The following HEMK2 variants were observed in gnomAD, a reference collection of about 807,000 sequenced individuals.
HEMK2 encodes HemK methyltransferase 2, ETF1 glutamine and histone H4 lysine.
At chr21:28,633,205 G>C in the HEMK2 span, among the ~76,000 whole-genome samples, 1 of 152,172 alleles carries the variant, frequency 6.6e-6, no homozygotes, top group Non-Finnish European at 1.5e-5. Flanking sequence ...GCAAGGCTGG[G>C]TCTCTACAGA....
the HEMK2 span, among the ~76,000 whole-genome samples, chr21:28,745,366 T>C: frequency 1.4e-4 from 21 of 152,244 alleles, no homozygotes; most frequent in Non-Finnish European, 2.6e-4. Flanking sequence ...ATAGACATGA[T>C]AGAATCGGCT....
the HEMK2 span, among the ~76,000 whole-genome samples, chr21:28,600,958 T>C: frequency 6.6e-6 from 1 of 152,232 alleles, no homozygotes; most frequent in Non-Finnish European, 1.5e-5. Context: ...AAATCTCAGT[T>C]AATGGTTACT....
At chr21:28,643,967 T>C in the HEMK2 span, among the ~76,000 whole-genome samples, 1 of 152,322 alleles carries the variant, frequency 6.6e-6, no homozygotes, top group African/African-American at 2.4e-5. Context: ...AAGAACTGCA[T>C]GTGAGAAGGT....
the HEMK2 span, among the ~76,000 whole-genome samples, chr21:28,605,575 A>C: frequency 1.3e-5 from 2 of 152,126 alleles, no homozygotes; most frequent in East Asian, 1.9e-4. Context: ...TCCATATGGA[A>C]ACTTTTGTTC....
At chr21:28,590,417 TA>T in the HEMK2 span, among the ~76,000 whole-genome samples, 5,117 of 150,816 alleles carry the variant, frequency 0.034, 125 homozygotes, top group African/African-American at 0.064. Flanking sequence ...TAATGAAAAA[TA>T]AAAAAAAACT....
the HEMK2 span, among the ~76,000 whole-genome samples, chr21:28,575,851 G>A: frequency 1.3e-5 from 2 of 152,096 alleles, no homozygotes; most frequent in Non-Finnish European, 2.9e-5. Flanking sequence ...CACATAGTAT[G>A]TTCTCCGTGT....
At chr21:28,805,472 A>C in the HEMK2 span, among the ~76,000 whole-genome samples, 2 of 152,244 alleles carry the variant, frequency 1.3e-5, no homozygotes, top group South Asian at 4.1e-4. Context: ...TAAAGTAAAA[A>C]GAGTTGATTG....
the HEMK2 span, among the ~76,000 whole-genome samples, chr21:28,697,586 A>T: frequency 4.6e-5 from 7 of 152,056 alleles, no homozygotes; most frequent in Non-Finnish European, 8.8e-5. Context: ...GTAATGAGTG[A>T]CTTCTCACTC....
At chr21:28,669,835 C>T in the HEMK2 span, among the ~76,000 whole-genome samples, 1 of 152,160 alleles carries the variant, frequency 6.6e-6, no homozygotes, top group Non-Finnish European at 1.5e-5. Flanking sequence ...TAACTCATAA[C>T]CTCTCCCCAG....
chr21:28,709,048 G>T, the HEMK2 span, among the ~76,000 whole-genome samples: 9 of 152,148 alleles, frequency 5.9e-5, no homozygotes, highest in Non-Finnish European at 5.9e-5. Flanking sequence ...TCATCAACTT[G>T]TTCTATCCTC....
the HEMK2 span, among the ~76,000 whole-genome samples, chr21:28,627,551 CTTCCAAT>C: frequency 6.6e-6 from 1 of 152,136 alleles, no homozygotes; most frequent in African/African-American, 2.4e-5. Flanking sequence ...ATTTGAACTG[CTTCCAAT>C]GCTAAAATTA....
the HEMK2 span, among the ~76,000 whole-genome samples, chr21:28,728,123 A>G: frequency 6.6e-6 from 1 of 152,218 alleles, no homozygotes; most frequent in Admixed American, 6.5e-5. Context: ...TTAAACTCTA[A>G]GTTTGTGGTA....
At chr21:28,639,081 T>C in the HEMK2 span, among the ~76,000 whole-genome samples, 2 of 152,184 alleles carry the variant, frequency 1.3e-5, no homozygotes, top group African/African-American at 4.8e-5. Flanking sequence ...TAGGAGATGC[T>C]GTGTACTGTA....
chr21:28,849,944 G>A, the HEMK2 span, among the ~76,000 whole-genome samples: 1 of 152,162 alleles, frequency 6.6e-6, no homozygotes, highest in African/African-American at 2.4e-5. Flanking sequence ...ACATATTTGA[G>A]GATATCATCC....
At chr21:28,613,242 G>C in the HEMK2 span, among the ~76,000 whole-genome samples, 1 of 151,990 alleles carries the variant, frequency 6.6e-6, no homozygotes, top group African/African-American at 2.4e-5. Flanking sequence ...CCACAGAGTG[G>C]CTTGTATACT....
the HEMK2 span, among the ~76,000 whole-genome samples, chr21:28,672,069 T>C: frequency 6.6e-6 from 1 of 152,190 alleles, no homozygotes; most frequent in South Asian, 2.1e-4. Flanking sequence ...CCAGAGCACA[T>C]TAGATAGTAG....
chr21:28,881,515 T>G, the HEMK2 span, among the ~76,000 whole-genome samples: 168 of 152,052 alleles, frequency 1.1e-3, 1 homozygote, highest in African/African-American at 3.3e-3. Flanking sequence ...CTTGTTACCA[T>G]GAAGGGAAGA....
At chr21:28,600,888 C>T in the HEMK2 span, among the ~76,000 whole-genome samples, 1 of 152,178 alleles carries the variant, frequency 6.6e-6, no homozygotes, top group East Asian at 1.9e-4. Context: ...TAAAACATAG[C>T]AAGAGTCACC....
the HEMK2 span, among the ~76,000 whole-genome samples, chr21:28,833,797 A>G: frequency 6.6e-6 from 1 of 152,252 alleles, no homozygotes; most frequent in Non-Finnish European, 1.5e-5. Flanking sequence ...GTGAGTCACT[A>G]AATTTTTTTA....
Sources: allele counts gnomAD v4.1 joint callset (sites outside exome capture counted in the v4.1 genomes callset), GRCh38; gene constraint gnomAD v4.1.1; transcripts MANE v1.5; gene names NCBI Gene and HGNC (gene_info 2026-07-23, HGNC 2026-07-21).